The following ANTXR1 variants were observed in gnomAD, a reference collection of about 807,000 sequenced individuals.
ANTXR1 encodes ANTXR cell adhesion molecule 1, also known as anthrax toxin receptor 1.
ANTXR1 carries 19 observed loss-of-function variants against 78.1 expected under a neutral mutation model. That is an observed-to-expected ratio of 0.24 (90% CI 0.17 to 0.36). ANTXR1 has a LOEUF of 0.36. Among genes scored for constraint, ANTXR1 ranks in the 10% least tolerant of loss-of-function variants. The pLI, the probability that ANTXR1 is intolerant of heterozygous loss-of-function variation, is 1.00. For missense variants in ANTXR1, 518 were observed against 718.6 expected (o/e 0.72, Z 3.19); for synonymous variants, 273 against 260.5 (o/e 1.05, Z -0.46).
At chr2:69,089,509 C>T (rs1671159503) in intron 8 of ANTXR1, among the ~76,000 whole-genome samples, 1 of 152,170 alleles carries the variant, frequency 6.6e-6, no homozygotes, top group Non-Finnish European at 1.5e-5. Context: ...AGGAAATAAG[C>T]TCCTCAGCAT....
intron 17 of ANTXR1, among the ~76,000 whole-genome samples, chr2:69,234,723 A>G (rs952923583): frequency 2.6e-5 from 4 of 152,172 alleles, no homozygotes; most frequent in African/African-American, 9.7e-5. Flanking sequence ...AGATTGCACC[A>G]TTGCACTCCA....
intron 13 of ANTXR1, among the ~76,000 whole-genome samples, chr2:69,168,993 C>T (rs999434506): frequency 6.6e-6 from 1 of 152,260 alleles, no homozygotes; most frequent in East Asian, 1.9e-4. Flanking sequence ...AGCCTGCCTC[C>T]TCATGCAGAG....
chr2:69,096,025 A>G (rs2104296749), intron 9 of ANTXR1, among the ~76,000 whole-genome samples: 1 of 152,060 alleles, frequency 6.6e-6, no homozygotes, highest in South Asian at 2.1e-4. Flanking sequence ...TTGGGAGGCC[A>G]AGGCAGGCAG....
chr2:69,165,047 AC>A (rs1673790479), intron 13 of ANTXR1, among the ~76,000 whole-genome samples: 1 of 152,232 alleles, frequency 6.6e-6, no homozygotes, highest in South Asian at 2.1e-4. Flanking sequence ...ACCAGCAGGT[AC>A]TTTGTCAGAA....
rs567073015 is a variant in ANTXR1 at position 69,056,885 on chromosome 2, G to T, written c.296+12072G>T. Among the ~76,000 whole-genome samples the T allele has an allele frequency of 2.7e-4, 41 of 152,052 alleles. No homozygotes were observed. The South Asian group carries it at 4.6e-3, about 17-fold the overall frequency. ...GTAGAGACGGGGTTTCACCATGTTG[G>T]CCAGGCTGGTCTCAAACTCCTGACC... is the stretch of plus-strand genomic sequence containing the variant. On this transcript the variant is annotated intron_variant, in intron 3 of 17. Coordinates refer to ENST00000303714, the MANE Select transcript of ANTXR1 (RefSeq NM_032208.3).
intron 13 of ANTXR1, among the ~76,000 whole-genome samples, chr2:69,168,790 A>T (rs1330949942): frequency 3.9e-5 from 6 of 152,256 alleles, no homozygotes; most frequent in Non-Finnish European, 8.8e-5. Flanking sequence ...GTGGGTGAGC[A>T]CAATCATGGC....
At chr2:69,170,600 CT>C (rs1375577572) in intron 14 of ANTXR1, among the ~76,000 whole-genome samples, 2 of 152,214 alleles carry the variant, frequency 1.3e-5, no homozygotes, top group Non-Finnish European at 2.9e-5. Context: ...GAGATACTGA[CT>C]TTTCCTCTCA....
At chr2:69,190,833 T>C (rs1674528338) in intron 16 of ANTXR1, among the ~76,000 whole-genome samples, 1 of 152,206 alleles carries the variant, frequency 6.6e-6, no homozygotes, top group East Asian at 1.9e-4. Context: ...GCATGTAACT[T>C]TAAATTTCTG....
chr2:69,094,835 T>C (rs1441988822), intron 9 of ANTXR1, among the ~76,000 whole-genome samples: 1 of 152,228 alleles, frequency 6.6e-6, no homozygotes, highest in Non-Finnish European at 1.5e-5. Context: ...ATATAAAGCG[T>C]TGAACTTGGG....
intron 3 of ANTXR1, among the ~76,000 whole-genome samples, chr2:69,052,645 A>G (rs1000295460): frequency 6.6e-6 from 1 of 152,118 alleles, no homozygotes; most frequent in Non-Finnish European, 1.5e-5. Context: ...GAGCCATTCT[A>G]TCTGAAGACT....
intron 16 of ANTXR1, among the ~76,000 whole-genome samples, chr2:69,192,926 A>G (rs1674574861): frequency 7.0e-6 from 1 of 143,248 alleles, no homozygotes; most frequent in South Asian, 2.1e-4. Context: ...AATTTTCCAG[A>G]ATTTATCATT....
intron 12 of ANTXR1, among the ~76,000 whole-genome samples, chr2:69,130,247 A>G (rs1399975475): frequency 2.6e-5 from 4 of 152,248 alleles, no homozygotes; most frequent in Non-Finnish European, 5.9e-5. Context: ...TTTGAAGAAA[A>G]GAAAATGACC....
At chr2:69,153,298 A>T (rs138685002) in intron 13 of ANTXR1, among the ~76,000 whole-genome samples, 2,148 of 152,272 alleles carry the variant, frequency 0.014, 30 homozygotes, top group Middle Eastern at 0.027. Context: ...GTACAGCTCA[A>T]CTGAACCAAG....
At chr2:69,196,978 C>CAGAGCCT (rs1674680146) in intron 17 of ANTXR1, among the ~76,000 whole-genome samples, 1 of 152,044 alleles carries the variant, frequency 6.6e-6, no homozygotes, top group African/African-American at 2.4e-5. Flanking sequence ...CTCAGGGAGC[C>CAGAGCCT]AGAGCCTAGA....
chr2:69,243,209 C>T (rs552757967), intron 17 of ANTXR1, among the ~76,000 whole-genome samples: 2 of 152,304 alleles, frequency 1.3e-5, no homozygotes, highest in South Asian at 2.1e-4. Context: ...AGGTTTCCCA[C>T]CCCCTACTTT....
chr2:69,091,636 A>G (rs549281122), intron 9 of ANTXR1, among the ~76,000 whole-genome samples: 16 of 152,148 alleles, frequency 1.1e-4, no homozygotes, highest in Admixed American at 2.0e-4. Flanking sequence ...GTCATAGGCC[A>G]TACTGGAAAT....
chr2:69,168,800 C>T (rs1216598794), intron 13 of ANTXR1, among the ~76,000 whole-genome samples: 1 of 152,240 alleles, frequency 6.6e-6, no homozygotes, highest in African/African-American at 2.4e-5. Flanking sequence ...ACAATCATGG[C>T]TTTGCATTTT....
At chr2:69,189,966 G>T (rs191043905) in intron 16 of ANTXR1, among the ~76,000 whole-genome samples, 3 of 152,250 alleles carry the variant, frequency 2.0e-5, no homozygotes, top group Admixed American at 2.0e-4. Flanking sequence ...GAGAGGACTG[G>T]GCTGAGTATA....
At chr2:69,024,108 T>A (rs955787230) in intron 1 of ANTXR1, among the ~76,000 whole-genome samples, 29 of 152,204 alleles carry the variant, frequency 1.9e-4, no homozygotes, top group African/African-American at 7.0e-4. Flanking sequence ...CTGGGGGCTC[T>A]TTTGTATTAA....
Sources: allele counts gnomAD v4.1 joint callset (sites outside exome capture counted in the v4.1 genomes callset), GRCh38; gene constraint gnomAD v4.1.1; transcripts MANE v1.5; gene names NCBI Gene and HGNC (gene_info 2026-07-23, HGNC 2026-07-21).